The following FAM167A variants were observed in gnomAD, a reference collection of about 807,000 sequenced individuals.
FAM167A encodes family with sequence similarity 167 member A.
In FAM167A, 23 loss-of-function variants were observed where a neutral mutation model predicts 14.9. The ratio of observed to expected loss-of-function variants is 1.55; its 90% CI spans 1.11 to 2.19. The LOEUF (loss-of-function observed/expected upper bound fraction) is 2.19, where lower values mean the gene tolerates loss of function less well. FAM167A is among the 30% of genes most tolerant of loss of function. The pLI, the probability that FAM167A is intolerant of heterozygous loss-of-function variation, is 0.00. For synonymous variants in FAM167A, 174 were observed against 117.7 expected, an observed-to-expected ratio of 1.48 and a Z score of -3.10; for missense variants, 401 against 281.5, an observed-to-expected ratio of 1.42 and a Z score of -3.04.
intron 1 of FAM167A, among the ~76,000 whole-genome samples, chr8:11,464,318 C>T (rs116433439): frequency 6.6e-6 from 1 of 152,260 alleles, no homozygotes; most frequent in East Asian, 1.9e-4. Context: ...AGACCTGCGG[C>T]CTACCTGACT....
At chr8:11,438,193 C>T in intron 2 of FAM167A, 1 of 452,408 alleles carries the variant, frequency 2.2e-6, no homozygotes, top group South Asian at 1.6e-5. Context: ...CCCGGAATCG[C>T]CATGAGCTGC....
At chr8:11,470,127 G>A (rs559750744), upstream of FAM167A, among the ~76,000 whole-genome samples, 10 of 152,256 alleles carry the variant, frequency 6.6e-5, no homozygotes, top group Admixed American at 2.6e-4. Flanking sequence ...CGACAAATAC[G>A]CTAAGTAAAT....
At chr8:11,474,812 GA>G (rs1331669377) in intron 1 of FAM167A, 4 of 152,040 alleles carry the variant, frequency 2.6e-5, no homozygotes. Context: ...AAAGGGAGAG[GA>G]AAAGGAGGGG....
At chr8:11,453,236 C>T (rs1807097092) in intron 1 of FAM167A, among the ~76,000 whole-genome samples, 1 of 152,218 alleles carries the variant, frequency 6.6e-6, no homozygotes, top group Non-Finnish European at 1.5e-5. Context: ...GCAAGTGGTA[C>T]AATCACAGCT....
At chr8:11,438,782 G>A (rs73209205) in intron 2 of FAM167A, 3,648 of 332,808 alleles carry the variant, frequency 0.011, 24 homozygotes, top group Non-Finnish European at 0.015. Context: ...TGAAAGCACC[G>A]GGCTATGCAG....
At chr8:11,449,465 G>C (rs9792166) in intron 1 of FAM167A, among the ~76,000 whole-genome samples, 47,629 of 152,088 alleles carry the variant, frequency 0.31, 8,127 homozygotes, top group East Asian at 0.65. Context: ...TGGGGCCCAG[G>C]CCCCGGGAGG....
chr8:11,447,008 A>G (rs1563379224), intron 1 of FAM167A, among the ~76,000 whole-genome samples: 1 of 152,100 alleles, frequency 6.6e-6, no homozygotes, highest in African/African-American at 2.4e-5. Flanking sequence ...AGGAGATAAC[A>G]TGGATGAGGA....
intron 2 of FAM167A, among the ~76,000 whole-genome samples, chr8:11,428,402 G>A (rs1050998177): frequency 4.6e-5 from 7 of 152,228 alleles, no homozygotes; most frequent in African/African-American, 4.8e-5. Flanking sequence ...GACAAAGGCC[G>A]CCTGGATGGC....
chr8:11,429,786 CCTCACTCGTTGGGTGGCAAGTCA>C (rs1331923572), intron 2 of FAM167A, among the ~76,000 whole-genome samples: 10 of 152,222 alleles, frequency 6.6e-5, no homozygotes, highest in Non-Finnish European at 1.5e-4. Context: ...GAGCTCCACT[CCTCACTCGTTGGGTGGCAAGTCA>C]CTGCCACCTG....
chr8:11,463,833 G>T (rs747037440), intron 1 of FAM167A, among the ~76,000 whole-genome samples: 1 of 152,192 alleles, frequency 6.6e-6, no homozygotes, highest in Admixed American at 6.5e-5. Context: ...TCACACTTAT[G>T]GGCACCCGAG....
intron 2 of FAM167A, among the ~76,000 whole-genome samples, chr8:11,437,734 C>T (rs557794058): frequency 2.6e-5 from 4 of 152,282 alleles, no homozygotes; most frequent in African/African-American, 7.2e-5. Context: ...GTCACTACCC[C>T]ATACCGTCGT....
At chr8:11,430,988 T>C (rs1805541053) in intron 2 of FAM167A, among the ~76,000 whole-genome samples, 12 of 152,132 alleles carry the variant, frequency 7.9e-5, no homozygotes. Flanking sequence ...AAGAAAGGTG[T>C]GGGAAACAGC....
intron 2 of FAM167A, among the ~76,000 whole-genome samples, chr8:11,441,087 T>C (rs1227451443): frequency 6.6e-6 from 1 of 152,210 alleles, no homozygotes; most frequent in Non-Finnish European, 1.5e-5. Context: ...AGCCAGTCTG[T>C]GTCTGGTGTA....
At chr8:11,440,020 C>G (rs1032040100) in intron 2 of FAM167A, among the ~76,000 whole-genome samples, 1 of 152,170 alleles carries the variant, frequency 6.6e-6, no homozygotes, top group Non-Finnish European at 1.5e-5. Context: ...CCCCTACTTC[C>G]TCAAGCAATG....
At chr8:11,438,266 G>T in intron 2 of FAM167A, 1 of 404,126 alleles carries the variant, frequency 2.5e-6, no homozygotes. Flanking sequence ...CTGCAAGACA[G>T]CCAGGAAAGG....
chr8:11,444,413 C>T lies in FAM167A; in HGVS notation c.-2G>A. The stretch of plus-strand genomic sequence containing the variant: ...CACGTGGATCTGGGGCACAGACATT[C>T]TACAGTCTGCCCTGGCAGCCGGACA... On this transcript the variant is annotated 5_prime_UTR_variant, in exon 2 of 3. It removes the in-frame stop codon of an upstream open reading frame in the 5' UTR. Transcript: ENST00000284486. 1.3e-6 allele frequency: 2 copies of T among 1,535,952 alleles called. No individual in the cohort carries two copies. Among genetic ancestry groups the T allele is most frequent in the East Asian group, 2.3e-5 (1 of 43,822 alleles).
intron 1 of FAM167A, 70 bp from the exon 2 acceptor site, chr8:11,444,878 C>G (rs1806688351): frequency 2.0e-6 from 2 of 979,548 alleles, no homozygotes; most frequent in Non-Finnish European, 1.2e-6. Flanking sequence ...CACGTCCACT[C>G]CACAGGAGGG....
At chr8:11,470,093 A>G (rs972110700), upstream of FAM167A, among the ~76,000 whole-genome samples, 8 of 152,232 alleles carry the variant, frequency 5.3e-5, no homozygotes, top group Non-Finnish European at 1.2e-4. Flanking sequence ...ATAATCTAGC[A>G]GAGGAAAGCA....
intron 1 of FAM167A, among the ~76,000 whole-genome samples, chr8:11,452,320 C>T (rs1457501850): frequency 6.6e-6 from 1 of 152,220 alleles, no homozygotes; most frequent in Non-Finnish European, 1.5e-5. Context: ...GCCCATGGTT[C>T]CCTGTGCAAA....
Sources: gnomAD v4.1 joint callset for allele counts (sites outside exome capture counted in the v4.1 genomes callset) on GRCh38, gnomAD v4.1.1 for gene constraint, MANE v1.5 for transcripts, NCBI Gene and HGNC (gene_info 2026-07-23, HGNC 2026-07-21) for gene names.